Variants in AKR1C8 observed in about 807,000 individuals in gnomAD.
The protein encoded by AKR1C8 is aldo-keto reductase family 1 member C-like protein 1.
At chr10:5,125,379 G>A in the AKR1C8 span, among the ~76,000 whole-genome samples, 1 of 152,070 alleles carries the variant, frequency 6.6e-6, no homozygotes, top group Non-Finnish European at 1.5e-5. Flanking sequence ...AGCTTTGAAA[G>A]CTACCCACCC....
At chr10:5,136,681 C>T in the AKR1C8 span, among the ~76,000 whole-genome samples, 8 of 152,232 alleles carry the variant, frequency 5.3e-5, no homozygotes, top group African/African-American at 1.9e-4. Flanking sequence ...TAAATTTCCA[C>T]ATCAAAAGGA....
chr10:5,134,416 A>G, the AKR1C8 span, among the ~76,000 whole-genome samples: 1 of 152,222 alleles, frequency 6.6e-6, no homozygotes, highest in African/African-American at 2.4e-5. Flanking sequence ...GTTTTCTTCC[A>G]GTATAGAAAT....
the AKR1C8 span, among the ~76,000 whole-genome samples, chr10:5,119,442 G>C: frequency 6.6e-6 from 1 of 151,992 alleles, no homozygotes; most frequent in African/African-American, 2.4e-5. Context: ...CACAAAACAA[G>C]CATAAATATT....
chr10:5,167,164 G>T, the AKR1C8 span, among the ~76,000 whole-genome samples: 158 of 152,242 alleles, frequency 1.0e-3, 1 homozygote, highest in African/African-American at 3.6e-3. Context: ...GGAGAAATAG[G>T]AACACTTTTA....
the AKR1C8 span, among the ~76,000 whole-genome samples, chr10:5,177,478 A>T: frequency 2.6e-5 from 4 of 152,092 alleles, no homozygotes; most frequent in Admixed American, 2.6e-4. Context: ...TGGTATCAGG[A>T]TGATGCTGGC....
At chr10:5,151,850 C>G in the AKR1C8 span, among the ~76,000 whole-genome samples, 1 of 152,124 alleles carries the variant, frequency 6.6e-6, no homozygotes, top group Non-Finnish European at 1.5e-5. Flanking sequence ...AGCCACTGCA[C>G]CCAGCCCCTT....
the AKR1C8 span, among the ~76,000 whole-genome samples, chr10:5,139,230 G>A: frequency 1.3e-5 from 2 of 152,124 alleles, no homozygotes; most frequent in East Asian, 1.9e-4. Flanking sequence ...ACTGCCCAAG[G>A]TAATTTATAG....
the AKR1C8 span, among the ~76,000 whole-genome samples, chr10:5,184,641 G>A: frequency 3.3e-5 from 5 of 152,136 alleles, no homozygotes; most frequent in African/African-American, 7.2e-5. Flanking sequence ...TTTTTAAAAC[G>A]TAACAAATTT....
the AKR1C8 span, chr10:5,155,858 G>A: frequency 7.9e-6 from 3 of 381,824 alleles, no homozygotes; most frequent in South Asian, 4.2e-5. Flanking sequence ...GATGGCATTG[G>A]GGGAAGCATT....
chr10:5,161,910 T>C, the AKR1C8 span: 1 of 534,454 alleles, frequency 1.9e-6, no homozygotes, highest in Non-Finnish European at 3.8e-6. Context: ...CCGGTCCAAG[T>C]TTCTTCAGTG....
At chr10:5,133,732 G>C in the AKR1C8 span, among the ~76,000 whole-genome samples, 1 of 152,132 alleles carries the variant, frequency 6.6e-6, no homozygotes, top group Non-Finnish European at 1.5e-5. Flanking sequence ...TTATTAGTTA[G>C]GAAATGGTGA....
the AKR1C8 span, among the ~76,000 whole-genome samples, chr10:5,180,340 G>A: frequency 1.9e-4 from 29 of 152,168 alleles, no homozygotes; most frequent in African/African-American, 7.0e-4. Flanking sequence ...TGGAAGTTTT[G>A]TCTCAAATGA....
chr10:5,130,935 C>T, the AKR1C8 span, among the ~76,000 whole-genome samples: 1 of 152,012 alleles, frequency 6.6e-6, no homozygotes, highest in Non-Finnish European at 1.5e-5. Flanking sequence ...CATTACCAGA[C>T]TTTGAATTAT....
chr10:5,150,365 C>T, the AKR1C8 span, among the ~76,000 whole-genome samples: 1 of 151,696 alleles, frequency 6.6e-6, no homozygotes, highest in African/African-American at 2.4e-5. Context: ...ATATTTTATG[C>T]CATACACCAA....
At chr10:5,149,653 G>A in the AKR1C8 span, among the ~76,000 whole-genome samples, 1 of 152,078 alleles carries the variant, frequency 6.6e-6, no homozygotes, top group African/African-American at 2.4e-5. Flanking sequence ...GTCTTTCCAA[G>A]GCACTTTTAT....
At chr10:5,153,392 T>C in the AKR1C8 span, among the ~76,000 whole-genome samples, 1 of 152,150 alleles carries the variant, frequency 6.6e-6, no homozygotes, top group South Asian at 2.1e-4. Context: ...CTTGGAAAAA[T>C]ATGGTAGTTA....
the AKR1C8 span, among the ~76,000 whole-genome samples, chr10:5,128,464 A>C: frequency 2.0e-5 from 3 of 152,260 alleles, no homozygotes; most frequent in African/African-American, 7.2e-5. Flanking sequence ...AAATGGCCTA[A>C]ATGCTCCACT....
the AKR1C8 span, among the ~76,000 whole-genome samples, chr10:5,156,024 T>G: frequency 2.0e-5 from 3 of 152,144 alleles, no homozygotes; most frequent in African/African-American, 7.2e-5. Flanking sequence ...AAATATTTAT[T>G]GAGAATTGCT....
the AKR1C8 span, among the ~76,000 whole-genome samples, chr10:5,168,415 C>G: frequency 2.0e-5 from 3 of 152,026 alleles, no homozygotes; most frequent in Admixed American, 2.0e-4. Context: ...GTTCTACCAC[C>G]CAAACCCCCG....
Sources: allele counts gnomAD v4.1 joint callset (sites outside exome capture counted in the v4.1 genomes callset), GRCh38; gene constraint gnomAD v4.1.1; transcripts MANE v1.5; gene names NCBI Gene and HGNC (gene_info 2026-07-23, HGNC 2026-07-21).